TOM1L1: variants seen among roughly 807,000 people sequenced by gnomAD.
The protein encoded by TOM1L1 is TOM1-like protein 1.
TOM1L1 carries 64 observed loss-of-function variants against 63.4 expected under a neutral mutation model. That is an observed-to-expected ratio of 1.01 (90% CI 0.83 to 1.24). The LOEUF (loss-of-function observed/expected upper bound fraction) is 1.24, where lower values mean the gene tolerates loss of function less well. Among genes scored for constraint, TOM1L1 ranks in the 50% most tolerant of loss-of-function variants. TOM1L1 has a pLI of 0.00. For synonymous variants in TOM1L1, 166 were observed against 194.4 expected, an observed-to-expected ratio of 0.85 and a Z score of 1.22; for missense variants, 536 against 567.0, an observed-to-expected ratio of 0.95 and a Z score of 0.55.
At chr17:54,905,252 G>C (rs1048258239) in intron 2 of TOM1L1, among the ~76,000 whole-genome samples, 1 of 152,198 alleles carries the variant, frequency 6.6e-6, no homozygotes, top group African/African-American at 2.4e-5. Context: ...TAATAGTCTT[G>C]TACGAAAATA....
At position 54,936,451 on chromosome 17, in the gene TOM1L1, A is replaced by C. The variant is rs940273172; in HGVS notation, c.855-198A>C. 5 of 453,052 alleles carry C rather than the reference A, an allele frequency of 1.1e-5. No individual in the cohort carries two copies. In the East Asian group the frequency reaches 1.9e-4, roughly 17 times the overall value. The allele number at this position is 453,052 out of a possible 1,614,324, so 28.1% of individuals were successfully genotyped here. On this transcript the variant is annotated intron_variant, in intron 8 of 15. Coordinates refer to ENST00000575882, the MANE Select transcript of TOM1L1 (RefSeq NM_005486.3). ...ATGAGTTTTTTTTAAATACTTTTCT[A>C]TTTTCTCACAGTTTTCTCTGAGGGT...
chr17:54,918,047 A>T (rs1173416817), intron 7 of TOM1L1, among the ~76,000 whole-genome samples: 2 of 152,154 alleles, frequency 1.3e-5, no homozygotes, highest in Non-Finnish European at 2.9e-5. Flanking sequence ...CCGTACCTCA[A>T]CCAATCTGTT....
intron 3 of TOM1L1, among the ~76,000 whole-genome samples, chr17:54,911,992 A>G (rs969663115): frequency 6.6e-6 from 1 of 152,172 alleles, no homozygotes; most frequent in Non-Finnish European, 1.5e-5. Context: ...CAATTTACCT[A>G]TATCAGGATG....
intron 7 of TOM1L1, among the ~76,000 whole-genome samples, chr17:54,922,258 A>G (rs2048696790): frequency 1.3e-5 from 2 of 151,964 alleles, no homozygotes; most frequent in South Asian, 4.2e-4. Flanking sequence ...AAGCCACTGC[A>G]CTCCAGCCTG....
chr17:54,933,492 C>T (rs929453434), intron 8 of TOM1L1, among the ~76,000 whole-genome samples: 27 of 152,190 alleles, frequency 1.8e-4, no homozygotes, highest in Admixed American at 3.9e-4. Flanking sequence ...TGACAACATG[C>T]GCCCAAGGTG....
At chr17:54,956,841 G>C (rs1036130897) in intron 14 of TOM1L1, 1 of 150,038 alleles carries the variant, frequency 6.7e-6, no homozygotes, top group Non-Finnish European at 1.5e-5. Flanking sequence ...GGTTTTATGG[G>C]GTGATAGAGA....
intron 11 of TOM1L1, among the ~76,000 whole-genome samples, chr17:54,943,441 G>GT (rs1555611738): frequency 2.2e-5 from 3 of 134,442 alleles, no homozygotes; most frequent in South Asian, 2.6e-4. Flanking sequence ...TTTGTATAAT[G>GT]GTGTGTGTGT....
intron 4 of TOM1L1, among the ~76,000 whole-genome samples, chr17:54,913,346 C>T (rs2048525566): frequency 6.6e-5 from 10 of 152,102 alleles, no homozygotes; most frequent in Admixed American, 6.5e-4. Context: ...AATTATTGAT[C>T]TCTTATTTTC....
chr17:54,956,172 T>C (rs1331585656), intron 14 of TOM1L1, among the ~76,000 whole-genome samples: 1 of 152,120 alleles, frequency 6.6e-6, no homozygotes, highest in East Asian at 1.9e-4. Context: ...CTTGACAGGG[T>C]CTCACTGTGT....
chr17:54,948,403 C>CT (rs1180085362), intron 12 of TOM1L1, among the ~76,000 whole-genome samples: 3 of 152,210 alleles, frequency 2.0e-5, no homozygotes, highest in African/African-American at 4.8e-5. Flanking sequence ...CCCGTCACCT[C>CT]TCCAGGCTCA....
At chr17:54,930,029 T>C in intron 7 of TOM1L1, 44 bp from the exon 8 acceptor site, 1 of 1,612,526 alleles carries the variant, frequency 6.2e-7, no homozygotes, top group Non-Finnish European at 8.5e-7. Context: ...CTTTATAGAA[T>C]GTTCCAAGTG....
intron 14 of TOM1L1, chr17:54,956,719 A>T (rs2049524876): frequency 6.6e-6 from 1 of 152,150 alleles, no homozygotes; most frequent in Non-Finnish European, 1.5e-5. Flanking sequence ...TGCTGGGATT[A>T]TAGGCATGAG....
In TOM1L1 at chr17:54,916,078, A is replaced by G. The variant is rs191287835; in HGVS notation, c.720+216A>G. The G allele has an allele frequency of 2.5e-4, 116 of 473,274 alleles. 1 individual carries two copies. In the East Asian group the frequency reaches 3.7e-3, roughly 15 times the overall value. The allele number at this position is 473,274 out of a possible 1,614,324, so 29.3% of individuals were successfully genotyped here. A position where few individuals can be genotyped will look rare whatever the true frequency, so the allele number is the denominator to read the frequency against. The stretch of plus-strand genomic sequence containing the variant: ...TGGTTTTTAGCCTCTTGCAACAAAT[A>G]ATTTATTATAAGTTATAACCTTGGT... On this transcript the variant is annotated intron_variant, in intron 7 of 15. Coordinates refer to ENST00000575882, the MANE Select transcript of TOM1L1 (RefSeq NM_005486.3).
chr17:54,940,678 A>G (rs890512839), intron 11 of TOM1L1, among the ~76,000 whole-genome samples: 17 of 152,154 alleles, frequency 1.1e-4, no homozygotes, highest in Non-Finnish European at 1.8e-4. Flanking sequence ...CTAAGTAGGA[A>G]AAAAAGGTGC....
intron 11 of TOM1L1, among the ~76,000 whole-genome samples, chr17:54,946,709 G>T (rs2049124919): frequency 6.6e-6 from 1 of 152,162 alleles, no homozygotes; most frequent in Non-Finnish European, 1.5e-5. Context: ...GATGCCTGGG[G>T]TTCAGACTGC....
intron 7 of TOM1L1, chr17:54,916,724 A>G (rs1048277976): frequency 6.6e-6 from 1 of 151,982 alleles, no homozygotes; most frequent in Non-Finnish European, 1.5e-5. Flanking sequence ...CTCATTTCTT[A>G]TTTGGGAAAC....
intron 8 of TOM1L1, among the ~76,000 whole-genome samples, chr17:54,933,888 T>C (rs2048905254): frequency 6.6e-6 from 1 of 152,178 alleles, no homozygotes; most frequent in Admixed American, 6.5e-5. Context: ...AAGATGTACA[T>C]TGGTTCCATC....
chr17:54,956,095 A>G (rs1165026383), intron 14 of TOM1L1, among the ~76,000 whole-genome samples: 1 of 152,198 alleles, frequency 6.6e-6, no homozygotes, highest in African/African-American at 2.4e-5. Context: ...ACCCCTAAAA[A>G]AACCTGAGAT....
chr17:54,909,979 G>T (rs888458485), intron 3 of TOM1L1, among the ~76,000 whole-genome samples: 3 of 152,174 alleles, frequency 2.0e-5, no homozygotes, highest in African/African-American at 7.2e-5. Flanking sequence ...CATAATAGAG[G>T]AGGTGATGTA....
Sources: gnomAD v4.1 joint callset for allele counts (sites outside exome capture counted in the v4.1 genomes callset) on GRCh38, gnomAD v4.1.1 for gene constraint, MANE v1.5 for transcripts, NCBI Gene and HGNC (gene_info 2026-07-23, HGNC 2026-07-21) for gene names.